SMPD3: variants seen among roughly 807,000 people sequenced by gnomAD.
SMPD3 encodes sphingomyelin phosphodiesterase 3.
SMPD3 carries 21 observed loss-of-function variants against 55.7 expected under a neutral mutation model. The observed-to-expected ratio is 0.38, with a 90% CI of 0.27 to 0.54. The LOEUF is 0.54. Ranked by LOEUF, SMPD3 falls within the 20% of genes least tolerant of loss-of-function variation. The probability of loss-of-function intolerance (pLI) is 0.80; values close to 1 mark genes in which losing one functional copy is unlikely to be tolerated. For missense variants in SMPD3, 842 were observed against 899.6 expected (o/e 0.94, Z 0.82); for synonymous variants, 457 against 404.3 (o/e 1.13, Z -1.56).
rs1334583166 is a variant in SMPD3, at chr16:68,361,225, G to A, written c.1949C>T (p.Ser650Leu). 9 of 1,613,812 alleles carry A rather than the reference G, an allele frequency of 5.6e-6. No homozygotes were observed. The East Asian group carries it at 6.7e-5, about 12-fold the overall frequency. ...LPVAMRLMVSSGEEEA is the reference protein window; with the variant it reads ...LPVAMRLMVSLGEEEA ...GACGGTCTATGCCTCCTCCTCCCCC[G>A]AAGACACCATCAGTCGCATGGCTAC... Residue 650 changes from serine (S) to leucine (L), a missense_variant, in exon 9 of 9, where the codon TCG becomes TTG. This residue lies in a region of SMPD3 where 649 missense variants were observed against 643.6 expected (regional missense o/e 1.01). Coordinates refer to ENST00000219334, the MANE Select transcript of SMPD3 (RefSeq NM_018667.4).
chr16:68,397,700 G>A (rs1454301579), intron 1 of SMPD3, among the ~76,000 whole-genome samples: 1 of 152,180 alleles, frequency 6.6e-6, no homozygotes. Flanking sequence ...CTCTCCGGGA[G>A]GGCCTTTCCC....
At chr16:68,416,780 G>A (rs2090343093) in intron 1 of SMPD3, among the ~76,000 whole-genome samples, 1 of 152,012 alleles carries the variant, frequency 6.6e-6, no homozygotes, top group African/African-American at 2.4e-5. Flanking sequence ...CTGTCCGGTG[G>A]GTCAGAGCAC....
chr16:68,433,652 G>A (rs1597667430), intron 1 of SMPD3, among the ~76,000 whole-genome samples: 1 of 152,360 alleles, frequency 6.6e-6, no homozygotes, highest in East Asian at 1.9e-4. Context: ...GCTGAGTTAG[G>A]AGAATGCAGT....
At chr16:68,388,320 C>T (rs2090079435) in intron 1 of SMPD3, among the ~76,000 whole-genome samples, 1 of 152,176 alleles carries the variant, frequency 6.6e-6, no homozygotes, top group Admixed American at 6.5e-5. Flanking sequence ...GACCTGCTGT[C>T]CCGGCCTGTC....
At position 68,364,925 on chromosome 16, in the gene SMPD3, G is replaced by A. The variant is rs922982129; in HGVS notation, c.1400-19C>T. 6 of 1,613,058 alleles carry A rather than the reference G, an allele frequency of 3.7e-6. No individual in the cohort carries two copies. The highest frequency in any genetic ancestry group is 3.3e-5 in the Admixed American group (2 of 59,992). ...CTGTCCTCTGCAGGGCAGAAGTACA[G>A]AGACTGGATGATGAAGTTCGCCCCA... is the stretch of plus-strand genomic sequence containing the variant. On this transcript the variant is annotated intron_variant, in intron 4 of 8. Coordinates refer to ENST00000219334, the MANE Select transcript of SMPD3 (RefSeq NM_018667.4).
chr16:68,411,653 C>T (rs933201957), intron 1 of SMPD3, among the ~76,000 whole-genome samples: 6 of 152,210 alleles, frequency 3.9e-5, no homozygotes, highest in Non-Finnish European at 8.8e-5. Context: ...AGTGGGGGAA[C>T]AGCAGCCACG....
chr16:68,380,743 C>T (rs1165017216), intron 2 of SMPD3, among the ~76,000 whole-genome samples: 1 of 152,234 alleles, frequency 6.6e-6, no homozygotes, highest in African/African-American at 2.4e-5. Flanking sequence ...CCTAACAAGG[C>T]TTGGAATATG....
intron 1 of SMPD3, among the ~76,000 whole-genome samples, chr16:68,408,234 T>A (rs2090268796): frequency 6.6e-6 from 1 of 152,222 alleles, no homozygotes. Context: ...TAAATAAAAC[T>A]TCAATCTGCA....
intron 1 of SMPD3, among the ~76,000 whole-genome samples, chr16:68,403,477 A>G (rs530893014): frequency 6.6e-6 from 1 of 152,280 alleles, no homozygotes; most frequent in African/African-American, 2.4e-5. Context: ...AAAACAACAA[A>G]TACAGTTTTC....
chr16:68,438,710 A>G (rs1048992987), intron 1 of SMPD3, among the ~76,000 whole-genome samples: 1 of 151,748 alleles, frequency 6.6e-6, no homozygotes, highest in Non-Finnish European at 1.5e-5. Flanking sequence ...CATCCCACTC[A>G]CCCCTCAGAG....
chr16:68,446,484 TACAC>T (rs3978672), intron 1 of SMPD3, among the ~76,000 whole-genome samples: 10,462 of 143,710 alleles, frequency 0.073, 414 homozygotes, highest in Middle Eastern at 0.13. Context: ...GTGGTTCATC[TACAC>T]ACACACACAC....
Position 68,370,919 on chromosome 16 carries a change from G to T in SMPD3, c.1263C>A (p.His421Gln), listed in dbSNP as rs201798984. The T allele has an allele frequency of 6.2e-7, 1 of 1,614,202 alleles. No individual in the cohort carries two copies. The highest frequency in any genetic ancestry group is 2.2e-5 in the East Asian group (1 of 44,886). ...SRYPIMDVAY[H>Q]CYPNKCNDDA... is the part of the protein sequence containing the mutation. ...CGTCGTTACACTTGTTGGGGTAACAGTGATAGGCCACGTCCATGATGGGGT... is the reference window on the plus strand; with the variant it reads ...CGTCGTTACACTTGTTGGGGTAACATTGATAGGCCACGTCCATGATGGGGT... Residue 421 changes from histidine (H) to glutamine (Q), a missense_variant, in exon 3 of 9, where the codon CAC (histidine) becomes CAA (glutamine). By Grantham distance (24) the His-to-Gln change is conservative. Transcript: ENST00000219334.
At chr16:68,384,378 G>A (rs751260964) in intron 2 of SMPD3, among the ~76,000 whole-genome samples, 3 of 152,158 alleles carry the variant, frequency 2.0e-5, no homozygotes, top group East Asian at 1.9e-4. Context: ...GGCCAAACAG[G>A]CCCTTTCTCT....
intron 1 of SMPD3, among the ~76,000 whole-genome samples, chr16:68,415,409 G>A (rs1184847500): frequency 1.3e-5 from 2 of 152,302 alleles, no homozygotes; most frequent in South Asian, 2.1e-4. Flanking sequence ...AATTCTGCCC[G>A]TTCAGCAATG....
intron 3 of SMPD3, among the ~76,000 whole-genome samples, chr16:68,366,544 A>C (rs2151976871): frequency 6.6e-6 from 1 of 152,374 alleles, no homozygotes; most frequent in Admixed American, 6.5e-5. Context: ...CTGCAAAAAC[A>C]AAACACTGAT....
intron 8 of SMPD3, 69 bp downstream of exon 8, chr16:68,361,533 TC>T: frequency 6.3e-7 from 1 of 1,576,012 alleles, no homozygotes; most frequent in Non-Finnish European, 8.6e-7. Flanking sequence ...GGAGCGGCTG[TC>T]GAGAGCTGCA....
chr16:68,387,083 C>T (rs545150587), intron 1 of SMPD3, among the ~76,000 whole-genome samples: 1 of 152,234 alleles, frequency 6.6e-6, no homozygotes, highest in South Asian at 2.1e-4. Context: ...ACAATCAGAG[C>T]TTTGGGAGCT....
chr16:68,406,974 A>G (rs963778033), intron 1 of SMPD3, among the ~76,000 whole-genome samples: 10 of 152,168 alleles, frequency 6.6e-5, no homozygotes, highest in Non-Finnish European at 1.3e-4. Context: ...GCCTGGGGGA[A>G]TCTTGTAAAA....
Position 68,397,455 on chromosome 16 carries a change from A to G in SMPD3, c.-268-10796T>C, listed in dbSNP as rs142590771. Among the ~76,000 whole-genome samples, 917 of 152,174 alleles carry G rather than the reference A, an allele frequency of 6.0e-3. 11 individuals are homozygous for G. The highest frequency in any genetic ancestry group is 0.021 in the African/African-American group (892 of 41,498). ...GTGGGGCTGAGGGATGATGGGGAAC[A>G]CCCCGGTCAAGCCCATTGTCTCTCC... On this transcript the variant is annotated intron_variant, in intron 1 of 8. Transcript: ENST00000219334.
Sources: allele counts gnomAD v4.1 joint callset (sites outside exome capture counted in the v4.1 genomes callset), GRCh38; gene constraint gnomAD v4.1.1; regional missense constraint gnomAD v4.1.1; transcripts MANE v1.5; gene names NCBI Gene and HGNC (gene_info 2026-07-23, HGNC 2026-07-21).